The following IWS1 variants were observed in gnomAD, a reference collection of about 807,000 sequenced individuals.
IWS1 encodes the protein interacts with SUPT6H, CTD assembly factor 1.
In IWS1, 27 loss-of-function variants were observed where a neutral mutation model predicts 86.7. The ratio of observed to expected loss-of-function variants is 0.31; its 90% CI spans 0.23 to 0.43. The LOEUF (loss-of-function observed/expected upper bound fraction) is 0.43. IWS1 is among the 20% of genes least tolerant of loss of function. The pLI is 1.00. For missense variants in IWS1, 827 were observed against 1,000.8 expected (o/e 0.83, Z 2.34); for synonymous variants, 313 against 335.1 (o/e 0.93, Z 0.72).
intron 2 of IWS1, among the ~76,000 whole-genome samples, chr2:127,520,566 T>C (rs1692040356): frequency 6.6e-6 from 1 of 152,240 alleles, no homozygotes; most frequent in African/African-American, 2.4e-5. Context: ...TTAAAAGCCA[T>C]TTTAAACAGG....
chr2:127,526,435 C>A lies in IWS1; in HGVS notation c.-227G>T, dbSNP rs1354929187. ...CCCGGCAGGCTGGCGGGCGGGCAGG[C>A]ATGCGAGCCGGCGTTCTACTTCCTA... is the stretch of plus-strand genomic sequence containing the variant. On this transcript the variant is annotated 5_prime_UTR_variant, in exon 1 of 14. The change abolishes an upstream ATG in the 5' untranslated region. Transcript: ENST00000295321. The A allele has an allele frequency of 2.1e-5, 32 of 1,535,062 alleles. No homozygotes were observed. The highest frequency in any genetic ancestry group is 3.3e-4 in the Middle Eastern group (2 of 5,986).
rs578234618 is a variant in IWS1 at position 127,493,313 on chromosome 2, T to G, written c.1897A>C (p.Ile633Leu). ...AGGATCTTCAGCAGCTCCTCCCGGA[T>G]CTTGAGTGCAGGCAAACTCCTATCT... Reference protein sequence around the residue: ...LPDRSLPALKIREELLKILQE... With the variant: ...LPDRSLPALKLREELLKILQE... Residue 633 changes from isoleucine (I) to leucine (L), a missense_variant, in exon 9 of 14, where the codon ATC becomes CTC. Ile to Leu is a conservative substitution (Grantham distance 5). Around this residue, in one of 2 missense-constraint regions of IWS1, gnomAD observed 279 missense variants for 440.6 expected, o/e 0.63. Transcript: ENST00000295321. 1 of 1,613,514 alleles carries G rather than the reference T, an allele frequency of 6.2e-7. No individual in the cohort carries two copies. Among genetic ancestry groups the G allele is most frequent in the East Asian group, 2.2e-5 (1 of 44,864 alleles).
intron 2 of IWS1, among the ~76,000 whole-genome samples, chr2:127,519,685 AAT>A (rs1169711392): frequency 6.6e-6 from 1 of 152,212 alleles, no homozygotes; most frequent in Admixed American, 6.5e-5. Context: ...GGAACCTGTG[AAT>A]ATGTCACTTT....
At chr2:127,496,738 T>A (rs2104681433) in intron 6 of IWS1, among the ~76,000 whole-genome samples, 1 of 152,182 alleles carries the variant, frequency 6.6e-6, no homozygotes, top group African/African-American at 2.4e-5. Flanking sequence ...GCCTGGCTAA[T>A]TTTTTAAATG....
chr2:127,499,422 G>A lies in IWS1; in HGVS notation c.1468-1185C>T, dbSNP rs904137739. On this transcript the variant is annotated intron_variant, in intron 5 of 13. Coordinates refer to ENST00000295321, the MANE Select transcript of IWS1 (RefSeq NM_017969.3). The surrounding 1 kb of genome is among the most constrained non-coding windows in gnomAD (Gnocchi z 4.0). ...CATTTTTATGTAAATGAAATGGCCTGTCTTTTCTTTATAGTGTCTACCTTT... is the reference window on the plus strand; with the variant it reads ...CATTTTTATGTAAATGAAATGGCCTATCTTTTCTTTATAGTGTCTACCTTT... 3.3e-5 allele frequency among the ~76,000 whole-genome samples: 5 copies of A among 152,148 alleles called. No homozygotes were observed. Among genetic ancestry groups the A allele is most frequent in the Non-Finnish European group, 7.4e-5 (5 of 68,014 alleles).
intron 2 of IWS1, among the ~76,000 whole-genome samples, chr2:127,513,472 G>A (rs1402614900): frequency 6.6e-6 from 1 of 151,952 alleles, no homozygotes; most frequent in Non-Finnish European, 1.5e-5. Flanking sequence ...ATCTTTCCAT[G>A]TATGCTTCCA....
intron 13 of IWS1, among the ~76,000 whole-genome samples, chr2:127,484,862 T>A (rs886080124): frequency 6.6e-6 from 1 of 152,042 alleles, no homozygotes; most frequent in Non-Finnish European, 1.5e-5. Flanking sequence ...CCGAGCATGG[T>A]GGCAGGAGCC....
rs560356049 is a variant in IWS1, at chr2:127,517,402, T to C, written c.150+6274A>G. ...ACAGGCACAAGGATAGATGCAGACA[T>C]GAGTAAGTTTTTAAAGTCCAGAAAT... On this transcript the variant is annotated intron_variant, in intron 2 of 13. Transcript: ENST00000295321. 4.7e-4 allele frequency among the ~76,000 whole-genome samples: 72 copies of C among 152,306 alleles called. 1 individual carries two copies. The highest frequency in any genetic ancestry group is 1.0e-3 in the Admixed American group (16 of 15,300).
Position 127,503,564 on chromosome 2 carries a change from C to T in IWS1, c.1232G>A (p.Ser411Asn), listed in dbSNP as rs761126925. The T allele has an allele frequency of 3.2e-6, 5 of 1,577,306 alleles. No homozygotes were observed. The South Asian group carries it at 4.8e-5, about 15-fold the overall frequency. ...GTCATCTGCATCAGAGACAACACGACTCTTCTTTGCTGCTGTTGAAAAAGA... is the reference window on the plus strand; with the variant it reads ...GTCATCTGCATCAGAGACAACACGATTCTTCTTTGCTGCTGTTGAAAAAGA... Reference protein sequence around the residue: ...EDEEKASAKKSRVVSDADDSD... With the variant: ...EDEEKASAKKNRVVSDADDSD... Residue 411 changes from serine to asparagine, a missense_variant, in exon 4 of 14, where the codon AGT becomes AAT. Physicochemically the swap from Ser to Asn is conservative, Grantham distance 46. Transcript: ENST00000295321.
Position 127,505,851 on chromosome 2 carries a change from G to A in IWS1, c.151-99C>T. Reference sequence around the variant, plus strand: ...TTTCTGTGATTTTTTTAAAATACAGGATTATGTGCACCTAAATGGAGAATT... The same window carrying A: ...TTTCTGTGATTTTTTTAAAATACAGAATTATGTGCACCTAAATGGAGAATT... On this transcript the variant is annotated intron_variant, in intron 2 of 13. Coordinates refer to ENST00000295321, the MANE Select transcript of IWS1 (RefSeq NM_017969.3). The surrounding 1 kb of genome is among the most constrained non-coding windows in gnomAD (Gnocchi z 5.0). The A allele has an allele frequency of 1.3e-6, 1 of 775,592 alleles. No homozygotes were observed. Among genetic ancestry groups the A allele is most frequent in the East Asian group, 2.8e-5 (1 of 35,866 alleles). 48.0% of individuals were successfully genotyped at this position (775,592 alleles called of 1,614,324 possible). A position where few individuals can be genotyped will look rare whatever the true frequency, so the allele number is the denominator to read the frequency against.
intron 5 of IWS1, among the ~76,000 whole-genome samples, chr2:127,500,230 CA>C (rs1558752257): frequency 6.6e-6 from 1 of 152,050 alleles, no homozygotes; most frequent in African/African-American, 2.4e-5. Flanking sequence ...AAAGAAGTAA[CA>C]AAATGAAAGG....
intron 12 of IWS1, among the ~76,000 whole-genome samples, chr2:127,488,393 TCTCC>T (rs1207934132): frequency 6.6e-6 from 1 of 152,088 alleles, no homozygotes; most frequent in African/African-American, 2.4e-5. Context: ...CAAATCTACT[TCTCC>T]CTCCATTTTG....
rs1231165806 is a variant in IWS1, at chr2:127,499,024, T to C, written c.1468-787A>G. 1.3e-5 allele frequency among the ~76,000 whole-genome samples: 2 copies of C among 152,340 alleles called. No individual in the cohort carries two copies. Among genetic ancestry groups the C allele is most frequent in the East Asian group, 3.9e-4 (2 of 5,184 alleles). ...ATAGCCCCCTACAAGTGACAGGAAC[T>C]GTACAATCCCCACATTTGTACAGTC... is the stretch of plus-strand genomic sequence containing the variant. On this transcript the variant is annotated intron_variant, in intron 5 of 13. Transcript: ENST00000295321. This position sits in a 1 kb window ranked among gnomAD's most constrained non-coding sequence, Gnocchi z 4.0.
chr2:127,496,572 C>T (rs1255663971), intron 6 of IWS1, among the ~76,000 whole-genome samples: 1 of 151,544 alleles, frequency 6.6e-6, no homozygotes. Context: ...CACACACACA[C>T]ACACACACAC....
intron 2 of IWS1, chr2:127,511,283 A>C (rs1023577699): frequency 6.6e-6 from 1 of 152,226 alleles, no homozygotes; most frequent in African/African-American, 2.4e-5. Context: ...TATGTGATCA[A>C]AGGACATTTT....
At chr2:127,523,364 T>C (rs1377981206) in intron 2 of IWS1, among the ~76,000 whole-genome samples, 1 of 152,184 alleles carries the variant, frequency 6.6e-6, no homozygotes, top group Non-Finnish European at 1.5e-5. Flanking sequence ...AATGCCCCAC[T>C]ATGACATTAT....
chr2:127,500,362 A>G (rs1690737312), intron 5 of IWS1, among the ~76,000 whole-genome samples: 1 of 152,004 alleles, frequency 6.6e-6, no homozygotes, highest in Non-Finnish European at 1.5e-5. Flanking sequence ...GGACTTGTCC[A>G]TTTCTCTTTT....
At position 127,523,664 on chromosome 2, in the gene IWS1, G is replaced by A. The variant is rs761285909; in HGVS notation, c.150+12C>T. ...GGGAAAAGCCCTCCCAAAGATGTTG[G>A]TTAGCCAATACCTCTGAATGACGTT... On this transcript the variant is annotated intron_variant, in intron 2 of 13. Coordinates refer to ENST00000295321, the MANE Select transcript of IWS1 (RefSeq NM_017969.3). The A allele has an allele frequency of 7.7e-6, 12 of 1,567,572 alleles. No individual in the cohort carries two copies. The highest frequency in any genetic ancestry group is 6.9e-5 in the Admixed American group (4 of 58,118).
rs1169102651 is a variant in IWS1, at chr2:127,505,587, T to C, written c.316A>G (p.Ser106Gly). 1 of 1,613,880 alleles carries C rather than the reference T, an allele frequency of 6.2e-7. No individual in the cohort carries two copies. The highest frequency in any genetic ancestry group is 8.5e-7 in the Non-Finnish European group (1 of 1,180,014). Residue 106 changes from serine to glycine, a missense_variant, in exon 3 of 14, where the codon AGC (serine) becomes GGC (glycine). By Grantham distance (56) the Ser-to-Gly change is moderately conservative (BLOSUM62 0). This residue lies in a region of IWS1 where 548 missense variants were observed against 560.2 expected (regional missense o/e 0.98). Coordinates refer to ENST00000295321, the MANE Select transcript of IWS1 (RefSeq NM_017969.3). The surrounding 1 kb of genome is among the most constrained non-coding windows in gnomAD (Gnocchi z 5.0). ...ESEERAEPPASDSENEDVNQH... is the reference protein window; with the variant it reads ...ESEERAEPPAGDSENEDVNQH... ...TTGACATCCTCATTTTCAGAATCGC[T>C]TGCAGGAGGCTCTGCACGTTCCTCA...
Sources: gnomAD v4.1 joint callset for allele counts (sites outside exome capture counted in the v4.1 genomes callset) on GRCh38, gnomAD v4.1.1 for gene constraint, gnomAD v4.1.1 regional missense constraint, Gnocchi (gnomAD v3.1) non-coding constraint, MANE v1.5 for transcripts, NCBI Gene and HGNC (gene_info 2026-07-23, HGNC 2026-07-21) for gene names.